Variants in ANO3 observed in about 807,000 individuals in gnomAD.
ANO3 encodes the protein anoctamin-3.
ANO3 carries 99 observed loss-of-function variants against 144.8 expected under a neutral mutation model. The observed-to-expected ratio is 0.68, with a 90% confidence interval of 0.58 to 0.81. ANO3 has a LOEUF of 0.81. ANO3 is among the 30% of genes least tolerant of loss of function. ANO3 has a pLI of 0.00. For synonymous variants in ANO3, 414 were observed against 392.6 expected (o/e 1.05, Z -0.64); for missense variants, 905 against 1,202.2 (o/e 0.75, Z 3.66).
intron 1 of ANO3, among the ~76,000 whole-genome samples, chr11:26,366,934 G>A (rs1393401467): frequency 1.3e-5 from 2 of 151,966 alleles, no homozygotes; most frequent in Admixed American, 6.6e-5. Context: ...ACAGAACAGA[G>A]CCCTCAGAAA....
intron 4 of ANO3, 69 bp downstream of exon 4, chr11:26,463,217 T>C: frequency 3.8e-6 from 3 of 795,178 alleles, no homozygotes; most frequent in Non-Finnish European, 6.0e-6. Flanking sequence ...AATATTCATC[T>C]ACATATTTGG....
intron 4 of ANO3, among the ~76,000 whole-genome samples, chr11:26,495,841 C>T (rs1404901120): frequency 1.3e-5 from 2 of 152,144 alleles, no homozygotes; most frequent in East Asian, 3.9e-4. Context: ...TATTATTTGC[C>T]TTCTCCACAT....
chr11:26,375,586 T>A (rs2133943533), intron 1 of ANO3, among the ~76,000 whole-genome samples: 1 of 152,276 alleles, frequency 6.6e-6, no homozygotes, highest in South Asian at 2.1e-4. Flanking sequence ...TTCAGCAGAA[T>A]TTTCTCCCGA....
intron 1 of ANO3, among the ~76,000 whole-genome samples, chr11:26,403,984 T>C (rs1207146923): frequency 2.0e-5 from 3 of 151,884 alleles, no homozygotes; most frequent in African/African-American, 7.2e-5. Context: ...CCTTTCAAAA[T>C]TGTACCATTC....
At chr11:26,346,983 G>A (rs187585908) in intron 1 of ANO3, among the ~76,000 whole-genome samples, 15 of 152,292 alleles carry the variant, frequency 9.8e-5, no homozygotes, top group Admixed American at 7.2e-4. Context: ...ACTCCTGGGA[G>A]CTGATCCAGC....
At chr11:26,328,886 C>T (rs1331745260), upstream of ANO3, among the ~76,000 whole-genome samples, 1 of 151,758 alleles carries the variant, frequency 6.6e-6, no homozygotes, top group African/African-American at 2.4e-5. Flanking sequence ...AAAATATTAC[C>T]CTTTACTCAA....
intron 4 of ANO3, among the ~76,000 whole-genome samples, chr11:26,471,401 A>C (rs979957971): frequency 6.6e-6 from 1 of 152,004 alleles, no homozygotes; most frequent in Non-Finnish European, 1.5e-5. Flanking sequence ...CTAAGTAAAA[A>C]TAGATAATTT....
chr11:26,202,189 T>C (rs1851707225), intron 1 of ANO3, among the ~76,000 whole-genome samples: 1 of 148,070 alleles, frequency 6.8e-6, no homozygotes, highest in Non-Finnish European at 1.5e-5. Context: ...CACATAATCT[T>C]TTAAGTTATA....
chr11:26,409,119 A>AAAAAAAT (rs1385596485), intron 1 of ANO3, among the ~76,000 whole-genome samples: 1 of 74,026 alleles, frequency 1.4e-5, no homozygotes, highest in Admixed American at 2.0e-4. Flanking sequence ...CTAAAACTTT[A>AAAAAAAT]AGTACAATAA....
chr11:26,301,214 C>T (rs1174080208), intron 1 of ANO3, among the ~76,000 whole-genome samples: 1 of 152,102 alleles, frequency 6.6e-6, no homozygotes, highest in Non-Finnish European at 1.5e-5. Context: ...CCCAGAATGA[C>T]AGATTGTTAC....
intron 1 of ANO3, among the ~76,000 whole-genome samples, chr11:26,209,400 A>T (rs2133780345): frequency 6.6e-6 from 1 of 152,266 alleles, no homozygotes; most frequent in East Asian, 1.9e-4. Flanking sequence ...TCACTGATGG[A>T]CATTTGGGTT....
At chr11:26,412,795 A>AGTGTGTGTGTGT (rs60855252) in intron 1 of ANO3, among the ~76,000 whole-genome samples, 47,539 of 139,838 alleles carry the variant, frequency 0.34, 8,794 homozygotes, top group Middle Eastern at 0.47. Flanking sequence ...GAGAAAGGAA[A>AGTGTGTGTGTGT]GTGTGTGTGT....
intron 18 of ANO3, among the ~76,000 whole-genome samples, chr11:26,629,067 T>A (rs1852684018): frequency 6.6e-6 from 1 of 152,080 alleles, no homozygotes; most frequent in Non-Finnish European, 1.5e-5. Context: ...TACACTAGGG[T>A]ATGTATACTT....
chr11:26,604,360 T>G (rs1319442272), intron 17 of ANO3, among the ~76,000 whole-genome samples: 1 of 152,188 alleles, frequency 6.6e-6, no homozygotes, highest in Non-Finnish European at 1.5e-5. Context: ...CCTCCAGCTT[T>G]GTTCTTTTTG....
intron 1 of ANO3, among the ~76,000 whole-genome samples, chr11:26,349,529 T>C (rs1163118812): frequency 1.3e-5 from 2 of 152,010 alleles, no homozygotes; most frequent in South Asian, 2.1e-4. Flanking sequence ...GAAATGAGAA[T>C]TGTTATTGTT....
intron 1 of ANO3, among the ~76,000 whole-genome samples, chr11:26,208,887 A>T (rs1044374481): frequency 4.6e-5 from 7 of 152,216 alleles, no homozygotes; most frequent in African/African-American, 1.7e-4. Flanking sequence ...AGCAGATCAT[A>T]TGATCCTGGA....
intron 20 of ANO3, among the ~76,000 whole-genome samples, chr11:26,635,592 A>G (rs961464518): frequency 1.3e-5 from 2 of 152,162 alleles, no homozygotes; most frequent in African/African-American, 4.8e-5. Context: ...ATGGGCCTCC[A>G]AATGCCACCC....
At chr11:26,588,526 A>C (rs1475084065) in intron 14 of ANO3, among the ~76,000 whole-genome samples, 1 of 152,216 alleles carries the variant, frequency 6.6e-6, no homozygotes, top group Non-Finnish European at 1.5e-5. Context: ...TAATGCTATT[A>C]CCTTCAAGCT....
At chr11:26,426,366 G>A (rs1188492677) in intron 1 of ANO3, among the ~76,000 whole-genome samples, 2 of 152,120 alleles carry the variant, frequency 1.3e-5, no homozygotes, top group Admixed American at 6.6e-5. Context: ...ATTCACGTAA[G>A]TGTGAAAAGA....
Sources: allele counts gnomAD v4.1 joint callset (sites outside exome capture counted in the v4.1 genomes callset), GRCh38; gene constraint gnomAD v4.1.1; transcripts MANE v1.5; gene names NCBI Gene and HGNC (gene_info 2026-07-23, HGNC 2026-07-21).